The following UROS variants were observed in gnomAD, a reference collection of about 807,000 sequenced individuals.
The protein encoded by UROS is uroporphyrinogen III synthase, also known as uroporphyrinogen-III synthase.
In UROS, 18 loss-of-function variants were observed where a neutral mutation model predicts 33.0. The ratio of observed to expected loss-of-function variants is 0.55; its 90% CI spans 0.38 to 0.81. The LOEUF (loss-of-function observed/expected upper bound fraction) is 0.81, where lower values mean the gene tolerates loss of function less well. UROS is among the 30% of genes least tolerant of loss of function. The pLI, the probability that UROS is intolerant of heterozygous loss-of-function variation, is 0.00. For synonymous variants in UROS, 114 were observed against 121.1 expected, an observed-to-expected ratio of 0.94 and a Z score of 0.38; for missense variants, 293 against 314.9, an observed-to-expected ratio of 0.93 and a Z score of 0.53.
chr10:125,812,402 C>A, intron 4 of UROS, 114 bp from the exon 5 acceptor site: 1 of 903,342 alleles, frequency 1.1e-6, no homozygotes, highest in Non-Finnish European at 1.8e-6. Context: ...CTATTAGCAA[C>A]CAAATGTAAA....
At chr10:125,785,389 T>C (rs1850611007), downstream of UROS, 1 of 151,650 alleles carries the variant, frequency 6.6e-6, no homozygotes, top group Non-Finnish European at 1.5e-5. Context: ...TTATTCCAAA[T>C]GACCACGTAC....
At chr10:125,801,282 C>T (rs989608595) in intron 6 of UROS, among the ~76,000 whole-genome samples, 4 of 152,212 alleles carry the variant, frequency 2.6e-5, no homozygotes, top group African/African-American at 4.8e-5. Flanking sequence ...CAGTTTCTCT[C>T]TCTTTTCAAA....
chr10:125,804,127 G>T (rs868853683), intron 6 of UROS, among the ~76,000 whole-genome samples: 71 of 152,314 alleles, frequency 4.7e-4, no homozygotes, highest in African/African-American at 1.6e-3. Flanking sequence ...GAGGTGACTG[G>T]TGGTGGCCCC....
chr10:125,810,351 T>C (rs532337398), intron 5 of UROS, among the ~76,000 whole-genome samples: 1 of 152,342 alleles, frequency 6.6e-6, no homozygotes, highest in African/African-American at 2.4e-5. Context: ...CTGCCATGTC[T>C]TAGGTAGCCC....
intron 6 of UROS, 44 bp downstream of exon 6, chr10:125,807,369 C>A (rs375706613): frequency 7.6e-6 from 12 of 1,571,634 alleles, no homozygotes; most frequent in Non-Finnish European, 1.1e-5. Context: ...GTGAGGTCAA[C>A]AAAAAATAAA....
chr10:125,797,419 C>G (rs568778057), intron 7 of UROS, among the ~76,000 whole-genome samples: 1 of 152,330 alleles, frequency 6.6e-6, no homozygotes, highest in East Asian at 1.9e-4. Flanking sequence ...TACCTTCATT[C>G]ACATAGCTAA....
At chr10:125,816,021 C>G (rs1853288892) in intron 3 of UROS, among the ~76,000 whole-genome samples, 156 bp downstream of exon 3, 1 of 152,114 alleles carries the variant, frequency 6.6e-6, no homozygotes, top group Non-Finnish European at 1.5e-5. Context: ...CAGAACCTCC[C>G]AACAGCAGCA....
intron 7 of UROS, among the ~76,000 whole-genome samples, chr10:125,797,254 G>A (rs1851442705): frequency 1.3e-5 from 2 of 152,180 alleles, no homozygotes; most frequent in Admixed American, 1.3e-4. Context: ...GGGAGAGACA[G>A]TAACAGTCAT....
intron 6 of UROS, chr10:125,801,982 C>G (rs1199577523): frequency 1.0e-6 from 1 of 981,314 alleles, no homozygotes; most frequent in East Asian, 1.1e-4. Flanking sequence ...GCCACCTATT[C>G]TATTAAAGAG....
chr10:125,788,518 A>C, downstream of UROS: 1 of 1,173,868 alleles, frequency 8.5e-7, no homozygotes, highest in Non-Finnish European at 1.1e-6. Flanking sequence ...AGAGGTGGGC[A>C]TACCTGTCTC....
chr10:125,796,919 A>G, intron 7 of UROS: 1 of 914,906 alleles, frequency 1.1e-6, no homozygotes, highest in Non-Finnish European at 1.3e-6. Context: ...ATAAAACAGC[A>G]ACCTATTGCC....
downstream of UROS, chr10:125,785,174 CCA>C (rs1289991189): frequency 2.0e-5 from 3 of 152,072 alleles, no homozygotes; most frequent in Non-Finnish European, 4.4e-5. Context: ...GTTTTTGTGC[CCA>C]CAGTGTCACC....
intron 6 of UROS, chr10:125,802,878 A>G: frequency 6.4e-7 from 1 of 1,565,924 alleles, no homozygotes; most frequent in Non-Finnish European, 8.7e-7. Flanking sequence ...CTTGGGGCTC[A>G]GGCTGGCCTC....
At chr10:125,803,575 T>C (rs1016587401) in intron 6 of UROS, among the ~76,000 whole-genome samples, 1 of 152,216 alleles carries the variant, frequency 6.6e-6, no homozygotes, top group Non-Finnish European at 1.5e-5. Flanking sequence ...CCTAATCCAG[T>C]GACTGCCTTT....
At chr10:125,816,773 A>G (rs973238590) in intron 1 of UROS, 1 of 563,874 alleles carries the variant, frequency 1.8e-6, no homozygotes, top group African/African-American at 1.9e-5. Flanking sequence ...AGTGAAAGCC[A>G]AGTGTCCTAT....
rs1850703565 is a variant in UROS at position 125,788,648 on chromosome 10, G to C, written c.*220C>G. On this transcript the variant is annotated 3_prime_UTR_variant, in exon 10 of 10. Coordinates refer to ENST00000368797, the MANE Select transcript of UROS (RefSeq NM_000375.3). ...GCTGGGCACAGGAAGCTCTCACAGGGCTAGGGTTTAAGCTGGCTTCCACAG... is the reference window on the plus strand; with the variant it reads ...GCTGGGCACAGGAAGCTCTCACAGGCCTAGGGTTTAAGCTGGCTTCCACAG... 1 of 1,423,044 alleles carries C rather than the reference G, an allele frequency of 7.0e-7. No individual in the cohort carries two copies. The highest frequency in any genetic ancestry group is 2.9e-5 in the Admixed American group (1 of 34,710). The allele number at this position is 1,423,044 out of a possible 1,614,324, so 88.2% of individuals were successfully genotyped here.
Position 125,798,152 on chromosome 10 carries a change from A to T in UROS, c.395-7T>A. 16 of 1,613,626 alleles carry T rather than the reference A, an allele frequency of 9.9e-6. No individual in the cohort carries two copies. Among genetic ancestry groups the T allele is most frequent in the Non-Finnish European group, 1.4e-5 (16 of 1,179,590 alleles). On this transcript the variant is annotated splice_polypyrimidine_tract_variant and splice_region_variant and intron_variant, in intron 6 of 9. Transcript: ENST00000368797. ...GGCAGTGCTGAGGACTCCCCTGTGA[A>T]TAAATAACCAGGCTTTGTGAAAACT...
At chr10:125,797,805 T>G (rs1851489455) in intron 7 of UROS, among the ~76,000 whole-genome samples, 1 of 152,220 alleles carries the variant, frequency 6.6e-6, no homozygotes, top group Non-Finnish European at 1.5e-5. Flanking sequence ...TCTCCTGTCC[T>G]CTTGGTGAAG....
intron 8 of UROS, 143 bp from the exon 9 acceptor site, chr10:125,795,121 C>T: frequency 1.4e-6 from 1 of 739,522 alleles, no homozygotes; most frequent in African/African-American, 1.7e-5. Flanking sequence ...CTGATGCTGG[C>T]ATCCTCTGCT....
Sources: gnomAD v4.1 joint callset for allele counts (sites outside exome capture counted in the v4.1 genomes callset) on GRCh38, gnomAD v4.1.1 for gene constraint, MANE v1.5 for transcripts, NCBI Gene and HGNC (gene_info 2026-07-23, HGNC 2026-07-21) for gene names.